The following ZBTB21 variants were observed in gnomAD, a reference collection of about 807,000 sequenced individuals.
ZBTB21 encodes zinc finger and BTB domain-containing protein 21.
Under a neutral mutation model 39.8 loss-of-function variants are expected in ZBTB21, and 10 were observed. The ratio of observed to expected loss-of-function variants is 0.25; its 90% CI spans 0.16 to 0.43. The LOEUF is 0.43. Among genes scored for constraint, ZBTB21 ranks in the 20% least tolerant of loss-of-function variants. The probability of loss-of-function intolerance (pLI) is 1.00; values close to 1 mark genes in which losing one functional copy is unlikely to be tolerated. For missense variants in ZBTB21, 1,221 were observed against 1,296.3 expected (o/e 0.94, Z 0.89); for synonymous variants, 551 against 498.8 (o/e 1.10, Z -1.40).
intron 2 of ZBTB21, among the ~76,000 whole-genome samples, chr21:42,001,932 A>G (rs2065822246): frequency 6.6e-6 from 1 of 152,232 alleles, no homozygotes; most frequent in Non-Finnish European, 1.5e-5. Context: ...TACATGCAAC[A>G]CTACAGAGAC....
Position 41,993,524 on chromosome 21 carries a change from A to T in ZBTB21, c.572T>A (p.Val191Asp). ...ATGAAGTGGTTCTATTGGTTTTGGG[A>T]CATGTGGCTTATTGGTATTGGCCTT... ...AVKANTNKPHVPKPIEPLHNL... is the reference protein window; with the variant it reads ...AVKANTNKPHDPKPIEPLHNL... Residue 191 changes from valine (V) to aspartate (D), a missense_variant, in exon 3 of 3, where the codon GTC (valine) becomes GAC (aspartate). Coordinates refer to ENST00000310826, the MANE Select transcript of ZBTB21 (RefSeq NM_001098402.2). 6.2e-7 allele frequency: 1 copy of T among 1,614,216 alleles called. No homozygotes were observed. Among genetic ancestry groups the T allele is most frequent in the Non-Finnish European group, 8.5e-7 (1 of 1,180,038 alleles).
rs549472770 is a variant in ZBTB21 at position 41,991,363 on chromosome 21, G to A, written c.2733C>T (p.Cys911=). Residue 911 remains cysteine (C), a synonymous_variant, in exon 3 of 3, where the codon TGC becomes TGT. Coordinates refer to ENST00000310826, the MANE Select transcript of ZBTB21 (RefSeq NM_001098402.2). The surrounding 1 kb of genome is among the most constrained non-coding windows in gnomAD (Gnocchi z 4.9). ...GPSKEASLWP[C]EKCGKMFTVH... ...CCGTGAACATCTTCCCACACTTCTC[G>A]CAGGGCCACAGGCTGGCTTCTTTGC... is the stretch of plus-strand genomic sequence containing the variant. 4.9e-5 allele frequency: 79 copies of A among 1,605,882 alleles called. No individual in the cohort carries two copies. The highest frequency in any genetic ancestry group is 2.2e-4 in the South Asian group (20 of 89,932).
chr21:41,997,582 A>G (rs562156097), intron 2 of ZBTB21, among the ~76,000 whole-genome samples: 1 of 140,876 alleles, frequency 7.1e-6, no homozygotes. Context: ...TCTCAAAAAA[A>G]AAAAAAACAA....
chr21:41,991,214 G>A lies in ZBTB21; in HGVS notation c.2882C>T (p.Ser961Phe), dbSNP rs768107216. ...RLWSHFQSHMSQASEESAHKE... is the reference protein window; with the variant it reads ...RLWSHFQSHMFQASEESAHKE... ...ATGTGCCGATTCCTCTGAAGCCTGA[G>A]ACATGTGCGATTGGAAGTGACTCCA... The change falls in exon 3 of 3, where the codon TCT becomes TTT. Residue 961 changes from serine to phenylalanine, a missense_variant. Coordinates refer to ENST00000310826, the MANE Select transcript of ZBTB21 (RefSeq NM_001098402.2). The surrounding 1 kb of genome is among the most constrained non-coding windows in gnomAD (Gnocchi z 4.9). The A allele has an allele frequency of 1.5e-5, 24 of 1,614,220 alleles. No individual in the cohort carries two copies. Among genetic ancestry groups the A allele is most frequent in the Non-Finnish European group, 1.9e-5 (23 of 1,180,048 alleles).
chr21:41,988,488 C>T lies in ZBTB21; in HGVS notation c.*2407G>A, dbSNP rs2065607359. 6.6e-6 allele frequency: 1 copy of T among 152,158 alleles called. No homozygotes were observed. Among genetic ancestry groups the T allele is most frequent in the Non-Finnish European group, 1.5e-5 (1 of 68,012 alleles). The allele number at this position is 152,158 out of a possible 1,614,324, so 9.4% of individuals were successfully genotyped here. ...AAACTTTACTGAATAAAGTAATTAACATATCTTTCATTATTTTACTTCTTA... is the reference window on the plus strand; with the variant it reads ...AAACTTTACTGAATAAAGTAATTAATATATCTTTCATTATTTTACTTCTTA... On this transcript the variant is annotated 3_prime_UTR_variant, in exon 3 of 3. Transcript: ENST00000310826.
intron 2 of ZBTB21, among the ~76,000 whole-genome samples, chr21:41,997,088 TTTTA>T (rs2065756433): frequency 6.6e-6 from 1 of 152,144 alleles, no homozygotes; most frequent in Admixed American, 6.5e-5. Context: ...GGGTAATTTT[TTTTA>T]TTTTTTATTT....
intron 1 of ZBTB21, 125 bp downstream of exon 1, chr21:42,010,127 G>A (rs2065943705): frequency 5.1e-6 from 2 of 388,568 alleles, no homozygotes; most frequent in Non-Finnish European, 9.1e-6. Context: ...ACCCGCTGGT[G>A]GAGAAAAAAG....
chr21:42,008,863 G>A (rs1437651849), intron 1 of ZBTB21, among the ~76,000 whole-genome samples: 1 of 152,124 alleles, frequency 6.6e-6, no homozygotes, highest in East Asian at 1.9e-4. Context: ...ATATTTAGGG[G>A]TGCTTAAATT....
intron 1 of ZBTB21, chr21:42,007,912 C>T (rs902509650): frequency 1.3e-5 from 2 of 152,150 alleles, no homozygotes; most frequent in African/African-American, 4.8e-5. Flanking sequence ...CACTACTGGA[C>T]GATGATTCCC....
intron 1 of ZBTB21, 35 bp downstream of exon 1, chr21:42,010,217 G>C (rs2065945339): frequency 2.5e-6 from 1 of 397,112 alleles, no homozygotes; most frequent in Non-Finnish European, 4.4e-6. Context: ...GAGCCCCGCA[G>C]TTCTCCTAGA....
intron 2 of ZBTB21, among the ~76,000 whole-genome samples, chr21:41,997,240 GA>G (rs1217060452): frequency 1.3e-5 from 2 of 152,084 alleles, no homozygotes; most frequent in African/African-American, 2.4e-5. Context: ...TTTAAAAATA[GA>G]AAAGAATTTG....
rs1440932520 is a variant in ZBTB21 at position 41,988,215 on chromosome 21, TTCAGTA to T, written c.*2674_*2679del. ...CTCCTTCCTTCTCCCACATAAACGA[TTCAGTA>T]TCAAGTTCTCAGATTAACAAAGAAT... On this transcript the variant is annotated 3_prime_UTR_variant, in exon 3 of 3. Coordinates refer to ENST00000310826, the MANE Select transcript of ZBTB21 (RefSeq NM_001098402.2). 2 of 116,236 alleles carry T rather than the reference TTCAGTA, an allele frequency of 1.7e-5. No individual in the cohort carries two copies. Among genetic ancestry groups the T allele is most frequent in the Non-Finnish European group, 3.8e-5 (2 of 52,792 alleles). 7.2% of individuals were successfully genotyped at this position (116,236 alleles called of 1,614,324 possible). A position where few individuals can be genotyped will look rare whatever the true frequency, so the allele number is the denominator to read the frequency against.
rs1261337434 is a variant in ZBTB21, at chr21:41,993,379, T to C, written c.717A>G (p.Ala239=). 5.0e-6 allele frequency: 8 copies of C among 1,614,098 alleles called. No homozygotes were observed. Among genetic ancestry groups the C allele is most frequent in the African/African-American group, 4.0e-5 (3 of 74,950 alleles). Residue 239 remains alanine (A), a synonymous_variant, in exon 3 of 3, where the codon GCA becomes GCG. Transcript: ENST00000310826. ...PNRISLVKRN[A]VLPSKPLQDR... ...CTTGCAGAGGCTTTGAAGGCAACAC[T>C]GCATTTCTTTTCACCAAACTGATTC...
intron 2 of ZBTB21, among the ~76,000 whole-genome samples, chr21:42,001,231 T>G (rs2065813887): frequency 6.6e-6 from 1 of 152,238 alleles, no homozygotes; most frequent in Non-Finnish European, 1.5e-5. Flanking sequence ...TCTAGTTTCC[T>G]CTTCCAATTC....
rs1350358310 is a variant in ZBTB21, at chr21:41,987,066, T to C, written c.*3829A>G. The C allele has an allele frequency of 6.6e-6, 1 of 152,656 alleles. No individual in the cohort carries two copies. Among genetic ancestry groups the C allele is most frequent in the Non-Finnish European group, 1.5e-5 (1 of 68,036 alleles). 9.5% of individuals were successfully genotyped at this position (152,656 alleles called of 1,614,324 possible). ...AGAATTATAAAACCATTCGTTTTTC[T>C]TTTAACCATAAGCATATATTCAATG... On this transcript the variant is annotated 3_prime_UTR_variant, in exon 3 of 3. Coordinates refer to ENST00000310826, the MANE Select transcript of ZBTB21 (RefSeq NM_001098402.2).
chr21:41,999,835 G>C (rs970500435), intron 2 of ZBTB21, among the ~76,000 whole-genome samples: 1 of 152,192 alleles, frequency 6.6e-6, no homozygotes, highest in Admixed American at 6.5e-5. Flanking sequence ...TAAGAAGTAA[G>C]ACCGTCTAGG....
In ZBTB21 at chr21:41,991,563, TGTC is replaced by T; in HGVS notation, c.2530_2532del (p.Asp844del). ...TGTTCTGAAGAATCACTGAACACGT[TGTC>T]GTCTTTTGTGGTGACGATGTGGTTT... is the stretch of plus-strand genomic sequence containing the variant. On this transcript the variant is annotated inframe_deletion, in exon 3 of 3. Coordinates refer to ENST00000310826, the MANE Select transcript of ZBTB21 (RefSeq NM_001098402.2). This position sits in a 1 kb window ranked among gnomAD's most constrained non-coding sequence, Gnocchi z 4.9. 6.2e-7 allele frequency: 1 copy of T among 1,614,208 alleles called. No homozygotes were observed. Among genetic ancestry groups the T allele is most frequent in the East Asian group, 2.2e-5 (1 of 44,876 alleles).
chr21:41,997,301 C>T (rs907189439), intron 2 of ZBTB21, among the ~76,000 whole-genome samples: 1 of 152,116 alleles, frequency 6.6e-6, no homozygotes, highest in African/African-American at 2.4e-5. Flanking sequence ...TTACGCCAGG[C>T]ACGGTGGCTC....
At chr21:41,998,101 A>G (rs75128809) in intron 2 of ZBTB21, among the ~76,000 whole-genome samples, 36,074 of 152,066 alleles carry the variant, frequency 0.24, 4,424 homozygotes, top group Non-Finnish European at 0.27. Context: ...CTCTCGATGC[A>G]GACAAAGCCA....
Sources: gnomAD v4.1 joint callset for allele counts (sites outside exome capture counted in the v4.1 genomes callset) on GRCh38, gnomAD v4.1.1 for gene constraint, Gnocchi (gnomAD v3.1) non-coding constraint, MANE v1.5 for transcripts, NCBI Gene and HGNC (gene_info 2026-07-23, HGNC 2026-07-21) for gene names.